The following PGGHG variants were observed in gnomAD, a reference collection of about 807,000 sequenced individuals.
PGGHG encodes the protein protein-glucosylgalactosylhydroxylysine glucosidase.
Under a neutral mutation model 74.5 loss-of-function variants are expected in PGGHG, and 67 were observed. That is an observed-to-expected ratio of 0.90 (90% CI 0.74 to 1.10). The LOEUF (loss-of-function observed/expected upper bound fraction) is 1.10. Among genes scored for constraint, PGGHG ranks in the 50% least tolerant of loss-of-function variants. The pLI, the probability that PGGHG is intolerant of heterozygous loss-of-function variation, is 0.00. For missense variants in PGGHG, 1,034 were observed against 981.5 expected (o/e 1.05, Z -0.72); for synonymous variants, 496 against 419.9 (o/e 1.18, Z -2.21).
rs570269411 is a variant in PGGHG, at chr11:290,404, A to G, written c.274A>G (p.Thr92Ala). ...LDTNTGSFLH[T>A]LEGPRFRASQ... ...TGCCTCCCCAGGCTCCTTTCTTCACACCCTGGAGGGCCCCCGCTTCCGGGC... is the reference window on the plus strand; with the variant it reads ...TGCCTCCCCAGGCTCCTTTCTTCACGCCCTGGAGGGCCCCCGCTTCCGGGC... The change falls in exon 3 of 14, where the codon ACC (threonine) becomes GCC (alanine). Residue 92 changes from threonine (T) to alanine (A), a missense_variant. Transcript: ENST00000409548. 1.3e-6 allele frequency: 2 copies of G among 1,545,446 alleles called. No individual in the cohort carries two copies. The highest frequency in any genetic ancestry group is 4.9e-5 in the East Asian group (2 of 40,898).
Position 289,695 on chromosome 11 carries a change from G to A in PGGHG, c.-13-109G>A. The A allele has an allele frequency of 7.3e-7, 1 of 1,364,982 alleles. No homozygotes were observed. Among genetic ancestry groups the A allele is most frequent in the Non-Finnish European group, 9.7e-7 (1 of 1,032,838 alleles). The allele number at this position is 1,364,982 out of a possible 1,614,324, so 84.6% of individuals were successfully genotyped here. A position where few individuals can be genotyped will look rare whatever the true frequency, so the allele number is the denominator to read the frequency against. Reference sequence around the variant, plus strand: ...CAGGAAAATCGGGGCTGCCCAGCTGGTTCCGCAACTCCCCCCAGTTCTGAG... The same window carrying A: ...CAGGAAAATCGGGGCTGCCCAGCTGATTCCGCAACTCCCCCCAGTTCTGAG... On this transcript the variant is annotated intron_variant, in intron 1 of 13. Transcript: ENST00000409548. The surrounding 1 kb of genome is among the most constrained non-coding windows in gnomAD (Gnocchi z 5.6).
intron 11 of PGGHG, 68 bp downstream of exon 11, chr11:293,993 G>C: frequency 6.3e-7 from 1 of 1,590,274 alleles, no homozygotes; most frequent in Non-Finnish European, 8.6e-7. Context: ...CCTCAGAGCA[G>C]GCACAGCAGG....
Position 289,270 on chromosome 11 carries a change from C to G in PGGHG, c.-14+31C>G, listed in dbSNP as rs1197922977. On this transcript the variant is annotated intron_variant, in intron 1 of 13. Coordinates refer to ENST00000409548, the MANE Select transcript of PGGHG (RefSeq NM_025092.5). This position sits in a 1 kb window ranked among gnomAD's most constrained non-coding sequence, Gnocchi z 5.6. ...TCCCAGAGGCCCCCGCCCCGCAGCT[C>G]CCGGCCGCCCCGGCCCGTCCCCCCA... 2 of 147,436 alleles carry G rather than the reference C, an allele frequency of 1.4e-5. No individual in the cohort carries two copies. Among genetic ancestry groups the G allele is most frequent in the African/African-American group, 5.0e-5 (2 of 40,392 alleles). The allele number at this position is 147,436 out of a possible 1,614,324, so 9.1% of individuals were successfully genotyped here.
Position 293,680 on chromosome 11 carries a change from G to T in PGGHG, c.1567G>T (p.Glu523Ter), listed in dbSNP as rs775009839. 16 of 1,613,182 alleles carry T rather than the reference G, an allele frequency of 9.9e-6. No individual in the cohort carries two copies. In the East Asian group the frequency reaches 3.6e-4, roughly 36 times the overall value. The change falls in exon 10 of 14, where the codon GAG (glutamate) becomes TAG (stop). Residue 523 changes from glutamate (E) to a stop codon, truncating the protein, a stop_gained. Coordinates refer to ENST00000409548, the MANE Select transcript of PGGHG (RefSeq NM_025092.5). LOFTEE classifies it high-confidence loss of function. ...TCCTGATGTTCGCAGGAAAAATCTG[G>T]AGATTTACGAGGCTGTGACGTCCCC... ...LSPDVRRKNL[E>*]IYEAVTSPQG...
In PGGHG at chr11:292,115, T is replaced by C. The variant is rs1391393433; in HGVS notation, c.1026+20T>C. 1.3e-6 allele frequency: 2 copies of C among 1,537,806 alleles called. No homozygotes were observed. Among genetic ancestry groups the C allele is most frequent in the East Asian group, 2.4e-5 (1 of 41,152 alleles). ...TACCAGGTGAGGGGACCTGGGGCAC[T>C]GGCCCGTAGGGCCCTGCAGGGCCTG... is the stretch of plus-strand genomic sequence containing the variant. On this transcript the variant is annotated intron_variant, in intron 5 of 13. Transcript: ENST00000409548.
Position 292,933 on chromosome 11 carries a change from T to A in PGGHG, c.1206T>A (p.Ala402=). ...REAGGWDVVR[A]VAEFWCSRVE... Reference sequence around the variant, plus strand: ...CTGGTGGCTGGGACGTGGTCAGGGCTGTGGCCGAGTTTTGGTGCAGTCGTG... The same window carrying A: ...CTGGTGGCTGGGACGTGGTCAGGGCAGTGGCCGAGTTTTGGTGCAGTCGTG... The change falls in exon 7 of 14, where the codon GCT becomes GCA. Residue 402 remains alanine, a synonymous_variant. Transcript: ENST00000409548. 6.2e-7 allele frequency: 1 copy of A among 1,614,092 alleles called. No homozygotes were observed. The highest frequency in any genetic ancestry group is 8.5e-7 in the Non-Finnish European group (1 of 1,179,996).
Position 293,199 on chromosome 11 carries a change from A to T in PGGHG, c.1307A>T (p.Asn436Ile). ...MSPDEYHSGVNNSVYTNVLVQ... is the reference protein window; with the variant it reads ...MSPDEYHSGVINSVYTNVLVQ... Reference sequence around the variant, plus strand: ...CCCGACGAGTACCATTCAGGGGTCAACAACTCTGTGTACACCAACGTCCTG... The same window carrying T: ...CCCGACGAGTACCATTCAGGGGTCATCAACTCTGTGTACACCAACGTCCTG... The change falls in exon 8 of 14, where the codon AAC becomes ATC. Residue 436 changes from asparagine to isoleucine, a missense_variant. By Grantham distance (149) the Asn-to-Ile change is moderately radical. Coordinates refer to ENST00000409548, the MANE Select transcript of PGGHG (RefSeq NM_025092.5). 1 of 1,613,850 alleles carries T rather than the reference A, an allele frequency of 6.2e-7. No homozygotes were observed. Among genetic ancestry groups the T allele is most frequent in the South Asian group, 1.1e-5 (1 of 91,080 alleles).
intron 6 of PGGHG, 36 bp from the exon 7 acceptor site, chr11:292,850 G>A (rs1412602918): frequency 1.2e-6 from 2 of 1,613,192 alleles, no homozygotes; most frequent in South Asian, 2.2e-5. Context: ...GAGAGTGACT[G>A]GGGCCCTGGC....
chr11:290,309 AGGCAGCGGTCG>A (rs1845679312), intron 2 of PGGHG, 70 bp from the exon 3 acceptor site: 1 of 1,428,446 alleles, frequency 7.0e-7, no homozygotes, highest in Non-Finnish European at 9.4e-7. Context: ...TTGTGGGGAG[AGGCAGCGGTCG>A]GGTGGTCCAC....
chr11:292,883 C>T lies in PGGHG; in HGVS notation c.1159-3C>T, dbSNP rs769508282. On this transcript the variant is annotated splice_region_variant and splice_polypyrimidine_tract_variant and intron_variant, in intron 6 of 13. Coordinates refer to ENST00000409548, the MANE Select transcript of PGGHG (RefSeq NM_025092.5). ...GGCCTCTGTGCCTCCTCCTGCTCCC[C>T]AGGACCTGCAGCTATTTCGAGAGGC... is the stretch of plus-strand genomic sequence containing the variant. 4 of 1,614,058 alleles carry T rather than the reference C, an allele frequency of 2.5e-6. No homozygotes were observed. Among genetic ancestry groups the T allele is most frequent in the Non-Finnish European group, 3.4e-6 (4 of 1,180,000 alleles).
Position 292,889 on chromosome 11 carries a change from C to T in PGGHG, c.1162C>T (p.Leu388=), listed in dbSNP as rs763712888. The change falls in exon 7 of 14, where the codon CTG becomes TTG. Residue 388 remains leucine (L), a synonymous_variant. Transcript: ENST00000409548. ...FELYYHTTQD[L]QLFREAGGWD... The stretch of plus-strand genomic sequence containing the variant: ...TGTGCCTCCTCCTGCTCCCCAGGAC[C>T]TGCAGCTATTTCGAGAGGCTGGTGG... 11 of 1,614,090 alleles carry T rather than the reference C, an allele frequency of 6.8e-6. No homozygotes were observed. The highest frequency in any genetic ancestry group is 1.7e-4 in the Middle Eastern group (1 of 6,042).
In PGGHG at chr11:289,864, G is replaced by A; in HGVS notation, c.48G>A (p.Leu16=). 1.9e-6 allele frequency: 3 copies of A among 1,551,132 alleles called. No individual in the cohort carries two copies. Among genetic ancestry groups the A allele is most frequent in the Non-Finnish European group, 2.6e-6 (3 of 1,146,914 alleles). The change falls in exon 2 of 14, where the codon CTG becomes CTA. Residue 16 remains leucine, a synonymous_variant. Transcript: ENST00000409548. This position sits in a 1 kb window ranked among gnomAD's most constrained non-coding sequence, Gnocchi z 5.6. The part of the protein sequence containing the change: ...EDPTTFAAHS[L]PSDPRLLATV... ...CCACCACGTTTGCTGCCCACTCTCT[G>A]CCCAGTGACCCCCGTCTCTTGGCCA...
intron 7 of PGGHG, 22 bp downstream of exon 7, chr11:293,019 G>A (rs758706797): frequency 1.9e-6 from 3 of 1,613,796 alleles, no homozygotes; most frequent in African/African-American, 1.3e-5. Flanking sequence ...GTGGGGAGGG[G>A]CTCGGGGAGG....
At position 289,403 on chromosome 11, in the gene PGGHG, C is replaced by G. The variant is rs984405485; in HGVS notation, c.-14+164C>G. Among the ~76,000 whole-genome samples, 54 of 148,744 alleles carry G rather than the reference C, an allele frequency of 3.6e-4. No individual in the cohort carries two copies. The highest frequency in any genetic ancestry group is 1.2e-3 in the African/African-American group (48 of 40,520). On this transcript the variant is annotated intron_variant, in intron 1 of 13. Transcript: ENST00000409548. The surrounding 1 kb of genome is among the most constrained non-coding windows in gnomAD (Gnocchi z 5.6). Reference sequence around the variant, plus strand: ...CCCGGCAGCCCCGGACTCCCTCCCCCATCCCGCCCAGCGCTCCCCCCACCC... The same window carrying G: ...CCCGGCAGCCCCGGACTCCCTCCCCGATCCCGCCCAGCGCTCCCCCCACCC...
intron 4 of PGGHG, chr11:291,331 C>A: frequency 1.8e-6 from 1 of 558,780 alleles, no homozygotes; most frequent in African/African-American, 1.9e-5. Flanking sequence ...GAGGCACTTT[C>A]CAGAGCGTGG....
intron 5 of PGGHG, among the ~76,000 whole-genome samples, 173 bp downstream of exon 5, chr11:292,268 G>A (rs1845745334): frequency 6.6e-6 from 1 of 151,956 alleles, no homozygotes; most frequent in South Asian, 2.1e-4. Context: ...CCGCACCTGA[G>A]AGAGAGGAGG....
rs1845792539 is a variant in PGGHG at position 293,631 on chromosome 11, A to G, written c.1518A>G (p.Gly506=). ...VVKQADVVLL[G]YPVPFSLSPD... ...AGCAGGCAGACGTCGTGCTCCTGGG[A>G]TACCCAGTCCCCTTCTCCCTGAGTC... Residue 506 remains glycine (G), a synonymous_variant, in exon 10 of 14, where the codon GGA becomes GGG. Coordinates refer to ENST00000409548, the MANE Select transcript of PGGHG (RefSeq NM_025092.5). 2 of 1,613,432 alleles carry G rather than the reference A, an allele frequency of 1.2e-6. No homozygotes were observed. Among genetic ancestry groups the G allele is most frequent in the Admixed American group, 3.3e-5 (2 of 59,980 alleles).
At chr11:291,396 T>G in intron 4 of PGGHG, 1 of 427,622 alleles carries the variant, frequency 2.3e-6, no homozygotes, top group Non-Finnish European at 4.2e-6. Context: ...CCAGCGTTTG[T>G]AGACAGTAGT....
rs376449048 is a variant in PGGHG, at chr11:294,129, G to A, written c.1741G>A (p.Ala581Thr). The change falls in exon 12 of 14, where the codon GCT becomes ACT. Residue 581 changes from alanine to threonine, a missense_variant. Transcript: ENST00000409548. ...GACGGAGAATGCAGACGGGTCAGGC[G>A]CTGTGAACTTCCTGACAGGCATGGG... ...VWTENADGSG[A>T]VNFLTGMGGF... The A allele has an allele frequency of 6.8e-5, 110 of 1,612,240 alleles. 1 individual carries two copies. In the Middle Eastern group the frequency reaches 8.2e-4, roughly 12 times the overall value.
Sources: allele counts gnomAD v4.1 joint callset (sites outside exome capture counted in the v4.1 genomes callset), GRCh38; gene constraint gnomAD v4.1.1; non-coding constraint Gnocchi (gnomAD v3.1); transcripts MANE v1.5; gene names NCBI Gene and HGNC (gene_info 2026-07-23, HGNC 2026-07-21).